Variants in RIMS2 observed in about 807,000 individuals in gnomAD.
RIMS2 encodes the protein regulating synaptic membrane exocytosis protein 2.
In RIMS2, 59 loss-of-function variants were observed where a neutral mutation model predicts 174.4. The ratio of observed to expected loss-of-function variants is 0.34; its 90% CI spans 0.27 to 0.42. The LOEUF is 0.42. Among genes scored for constraint, RIMS2 ranks in the 10% least tolerant of loss-of-function variants. The probability of loss-of-function intolerance (pLI) is 1.00; values close to 1 mark genes in which losing one functional copy is unlikely to be tolerated. For synonymous variants in RIMS2, 606 were observed against 572.5 expected (o/e 1.06, Z -0.84); for missense variants, 1,620 against 1,666.3 (o/e 0.97, Z 0.48).
intron 16 of RIMS2, among the ~76,000 whole-genome samples, chr8:103,985,792 A>T (rs2094316352): frequency 6.6e-6 from 1 of 152,230 alleles, no homozygotes; most frequent in African/African-American, 2.4e-5. Flanking sequence ...AACTTCTAAA[A>T]AGAAGAAAAT....
chr8:103,818,323 T>G (rs1019052257), intron 3 of RIMS2, among the ~76,000 whole-genome samples: 2 of 152,192 alleles, frequency 1.3e-5, no homozygotes, highest in Non-Finnish European at 2.9e-5. Flanking sequence ...ATGAAAATAC[T>G]AAGCATCTCT....
chr8:103,962,446 A>G (rs1225957893), intron 15 of RIMS2, among the ~76,000 whole-genome samples: 1 of 152,240 alleles, frequency 6.6e-6, no homozygotes, highest in East Asian at 1.9e-4. Context: ...ATTCTTTCCT[A>G]TCTGGACATT....
At chr8:103,636,656 T>C (rs2096080838) in intron 1 of RIMS2, among the ~76,000 whole-genome samples, 1 of 152,166 alleles carries the variant, frequency 6.6e-6, no homozygotes, top group Non-Finnish European at 1.5e-5. Flanking sequence ...TGCAAGTACC[T>C]GGATGTTATC....
chr8:104,142,083 T>G, intron 19 of RIMS2, among the ~76,000 whole-genome samples: 1 of 152,060 alleles, frequency 6.6e-6, no homozygotes, highest in East Asian at 1.9e-4. Flanking sequence ...TACTTTTAAT[T>G]TAATTTATTT....
chr8:104,198,578 C>G (rs2099037552), intron 19 of RIMS2, among the ~76,000 whole-genome samples: 1 of 152,194 alleles, frequency 6.6e-6, no homozygotes, highest in Admixed American at 6.5e-5. Context: ...ATGTTTTTCT[C>G]CTGCCAATCC....
chr8:103,788,610 A>G (rs1222146679), intron 3 of RIMS2, among the ~76,000 whole-genome samples: 4 of 152,082 alleles, frequency 2.6e-5, no homozygotes, highest in Non-Finnish European at 4.4e-5. Flanking sequence ...GACCCACTCG[A>G]GGAGACAGTT....
rs139861207 is a variant in RIMS2 at position 104,145,479 on chromosome 8, C to G, written c.3335-99437C>G. ...CAAAGTATTTCATAAATCAAGACTC[C>G]CAAAACTTTAAACACTTTTTCAAAA... On this transcript the variant is annotated intron_variant, in intron 19 of 23. Coordinates refer to ENST00000504942, the Ensembl canonical transcript of RIMS2. Among the ~76,000 whole-genome samples the G allele has an allele frequency of 1.9e-3, 286 of 151,334 alleles. 1 individual carries two copies. Among genetic ancestry groups the G allele is most frequent in the African/African-American group, 6.5e-3 (268 of 41,208 alleles).
intron 2 of RIMS2, among the ~76,000 whole-genome samples, chr8:103,721,717 A>C (rs1207269770): frequency 6.6e-6 from 1 of 152,208 alleles, no homozygotes; most frequent in African/African-American, 2.4e-5. Context: ...CATTCCATCC[A>C]ATCTATAACT....
intron 19 of RIMS2, among the ~76,000 whole-genome samples, chr8:104,077,230 C>T (rs1316448211): frequency 1.3e-5 from 2 of 151,672 alleles, no homozygotes; most frequent in South Asian, 2.1e-4. Flanking sequence ...TGGTTGTGGT[C>T]GTGGTGGTGG....
intron 9 of RIMS2, among the ~76,000 whole-genome samples, chr8:103,919,306 G>C (rs1252214636): frequency 1.3e-5 from 2 of 152,272 alleles, no homozygotes; most frequent in South Asian, 4.1e-4. Flanking sequence ...AAAGCCTAAG[G>C]TGCATTTAAG....
chr8:103,888,704 A>G (rs1226472224), intron 4 of RIMS2, among the ~76,000 whole-genome samples: 1 of 151,590 alleles, frequency 6.6e-6, no homozygotes, highest in African/African-American at 2.4e-5. Context: ...AGTCTCATAT[A>G]AGTAAAAAGG....
In RIMS2 at chr8:104,250,999, TCTC is replaced by T. The variant is rs537556844; in HGVS notation, c.3692-21_3692-19del. Reference sequence around the variant, plus strand: ...TTCATGTCCATAGTTTATTGCTCATTCTCCTCTGTGTTTTCTTTCCCAAGCACC... The same window carrying T: ...TTCATGTCCATAGTTTATTGCTCATTCTCTGTGTTTTCTTTCCCAAGCACC... On this transcript the variant is annotated intron_variant, in intron 22 of 23. Coordinates refer to ENST00000504942, the Ensembl canonical transcript of RIMS2. The T allele has an allele frequency of 4.2e-5, 67 of 1,604,030 alleles. 2 individuals are homozygous for T. In the South Asian group the frequency reaches 7.1e-4, roughly 17 times the overall value.
chr8:103,908,045 G>A (rs1363882653), intron 4 of RIMS2, among the ~76,000 whole-genome samples: 1 of 148,912 alleles, frequency 6.7e-6, no homozygotes, highest in Non-Finnish European at 1.5e-5. Context: ...ACCGCGCCCG[G>A]CCTTTGTTTT....
At chr8:104,179,972 C>T (rs917407664) in intron 19 of RIMS2, among the ~76,000 whole-genome samples, 3 of 151,866 alleles carry the variant, frequency 2.0e-5, no homozygotes, top group African/African-American at 7.2e-5. Flanking sequence ...TGTTCTACTG[C>T]AATTTGCTTT....
chr8:103,826,112 A>G (rs2098789113), intron 3 of RIMS2, among the ~76,000 whole-genome samples: 1 of 152,104 alleles, frequency 6.6e-6, no homozygotes, highest in Non-Finnish European at 1.5e-5. Context: ...TTGTGTTTTT[A>G]TTAAATTCGC....
At chr8:104,218,354 G>T in intron 19 of RIMS2, among the ~76,000 whole-genome samples, 1 of 151,698 alleles carries the variant, frequency 6.6e-6, no homozygotes. Context: ...CCTTCCCTTG[G>T]TATTAGCCAG....
intron 1 of RIMS2, among the ~76,000 whole-genome samples, chr8:103,683,439 G>T (rs538431404): frequency 6.6e-6 from 1 of 152,258 alleles, no homozygotes; most frequent in Non-Finnish European, 1.5e-5. Context: ...ATCTATTCAT[G>T]AGATATCTGT....
intron 19 of RIMS2, among the ~76,000 whole-genome samples, chr8:104,185,342 C>T (rs1165965749): frequency 3.3e-5 from 5 of 151,464 alleles, no homozygotes; most frequent in Non-Finnish European, 7.4e-5. Flanking sequence ...TCAAAGCTGT[C>T]AAATAATGAA....
intron 1 of RIMS2, among the ~76,000 whole-genome samples, chr8:103,636,380 A>G (rs1298161182): frequency 6.6e-6 from 1 of 152,164 alleles, no homozygotes; most frequent in Admixed American, 6.5e-5. Context: ...ATGCCAGAGC[A>G]GCTGCTCTGC....
Sources: gnomAD v4.1 joint callset for allele counts (sites outside exome capture counted in the v4.1 genomes callset) on GRCh38, gnomAD v4.1.1 for gene constraint, MANE v1.5 for transcripts, NCBI Gene and HGNC (gene_info 2026-07-23, HGNC 2026-07-21) for gene names.